ARFGAP3: variants seen among roughly 807,000 people sequenced by gnomAD.
The protein encoded by ARFGAP3 is ARF GTPase activating protein 3.
Under a neutral mutation model 75.0 loss-of-function variants are expected in ARFGAP3, and 72 were observed. The ratio of observed to expected loss-of-function variants is 0.96; its 90% CI spans 0.79 to 1.17. The LOEUF (loss-of-function observed/expected upper bound fraction) is 1.17. ARFGAP3 is among the 50% of genes most tolerant of loss of function. The pLI is 0.00. For synonymous variants in ARFGAP3, 221 were observed against 217.9 expected (o/e 1.01, Z -0.13); for missense variants, 620 against 626.6 (o/e 0.99, Z 0.11).
intron 13 of ARFGAP3, 46 bp from the exon 14 acceptor site, chr22:42,807,209 G>C: frequency 6.4e-7 from 1 of 1,558,454 alleles, no homozygotes; most frequent in Non-Finnish European, 8.7e-7. Context: ...AAAGATTGTG[G>C]GCAGTTTTGC....
At chr22:42,852,060 T>C (rs1927298214) in intron 1 of ARFGAP3, among the ~76,000 whole-genome samples, 1 of 151,758 alleles carries the variant, frequency 6.6e-6, no homozygotes. Context: ...TGCTGTCTCA[T>C]CTTGAAATTC....
chr22:42,802,603 A>AT lies in ARFGAP3; in HGVS notation c.1412-3444dup, dbSNP rs544982207. 5.6e-3 allele frequency among the ~76,000 whole-genome samples: 742 copies of AT among 133,146 alleles called. 3 individuals carry two copies. The highest frequency in any genetic ancestry group is 0.015 in the African/African-American group (536 of 35,980). The allele number at this position is 133,146 out of a possible 152,430, so 87.3% of individuals were successfully genotyped here. On this transcript the variant is annotated intron_variant, in intron 14 of 15. Transcript: ENST00000263245. Reference sequence around the variant, plus strand: ...CCACCGCGCCTGGCCCAAAATAAGAATTTTTTTTTTTTTTTTGAGATGGAG... The same window carrying AT: ...CCACCGCGCCTGGCCCAAAATAAGAATTTTTTTTTTTTTTTTTGAGATGGAG...
chr22:42,817,954 C>T, intron 9 of ARFGAP3, 97 bp from the exon 10 acceptor site: 1 of 1,315,158 alleles, frequency 7.6e-7, no homozygotes, highest in Non-Finnish European at 9.9e-7. Flanking sequence ...ATACTTTTAG[C>T]TTCATGATTC....
chr22:42,852,287 G>A (rs545240234), intron 1 of ARFGAP3, among the ~76,000 whole-genome samples: 1 of 151,938 alleles, frequency 6.6e-6, no homozygotes, highest in African/African-American at 2.4e-5. Context: ...TCAAACTCCT[G>A]AGCTCAAGCT....
At chr22:42,824,170 A>ATTTTTT (rs57620930) in intron 7 of ARFGAP3, among the ~76,000 whole-genome samples, 1 of 59,844 alleles carries the variant, frequency 1.7e-5, no homozygotes, top group Non-Finnish European at 3.0e-5. Flanking sequence ...ACATCTGGCT[A>ATTTTTT]TTTTTTTTTT....
chr22:42,853,657 GATGGCTATGCACCTGCTCCA>G (rs1189569648), intron 1 of ARFGAP3: 2 of 177,576 alleles, frequency 1.1e-5, no homozygotes, highest in African/African-American at 4.8e-5. Context: ...TGTGCCTTGG[GATGGCTATGCACCTGCTCCA>G]ATGCCAACTG....
chr22:42,830,111 C>G (rs1011434476), intron 6 of ARFGAP3, among the ~76,000 whole-genome samples: 2 of 152,154 alleles, frequency 1.3e-5, no homozygotes, highest in Non-Finnish European at 2.9e-5. Flanking sequence ...GAAGCGACTC[C>G]TTTTCTTTTT....
At position 42,817,281 on chromosome 22, in the gene ARFGAP3, AAT is replaced by A. The variant is rs1426610955; in HGVS notation, c.942-19_942-18del. 8 of 1,588,756 alleles carry A rather than the reference AAT, an allele frequency of 5.0e-6. No homozygotes were observed. The highest frequency in any genetic ancestry group is 6.9e-6 in the Non-Finnish European group (8 of 1,166,414). ...GAAATAACACTTGAGAAAACAGAAA[AAT>A]ATATATATCAGTAAGTTCACAAACT... On this transcript the variant is annotated intron_variant, in intron 10 of 15. Coordinates refer to ENST00000263245, the MANE Select transcript of ARFGAP3 (RefSeq NM_014570.5).
chr22:42,805,661 G>A (rs1031129225), intron 14 of ARFGAP3, among the ~76,000 whole-genome samples: 1 of 152,212 alleles, frequency 6.6e-6, no homozygotes, highest in African/African-American at 2.4e-5. Context: ...GACTGCCCAA[G>A]GGAAACGAGG....
chr22:42,803,360 A>G (rs762282579), intron 14 of ARFGAP3, among the ~76,000 whole-genome samples: 1 of 152,148 alleles, frequency 6.6e-6, no homozygotes, highest in Non-Finnish European at 1.5e-5. Context: ...GCAAAGAGAA[A>G]AGGAGACAGT....
intron 1 of ARFGAP3, among the ~76,000 whole-genome samples, chr22:42,850,576 A>C (rs929200696): frequency 8.2e-5 from 12 of 145,502 alleles, no homozygotes; most frequent in African/African-American, 2.7e-4. Context: ...GCTATCAAAA[A>C]AAAAAAAAAA....
At chr22:42,831,286 CA>C (rs560803857) in intron 6 of ARFGAP3, among the ~76,000 whole-genome samples, 817 of 72,644 alleles carry the variant, frequency 0.011, 3 homozygotes, top group African/African-American at 0.023. Flanking sequence ...GACTTAGTCT[CA>C]AAAAAAAAAA....
At chr22:42,844,599 A>T (rs999292115) in intron 2 of ARFGAP3, among the ~76,000 whole-genome samples, 13 of 110,178 alleles carry the variant, frequency 1.2e-4, no homozygotes, top group Non-Finnish European at 1.2e-4. Flanking sequence ...GAAAAAAAAA[A>T]AAAAAAAATA....
intron 10 of ARFGAP3, chr22:42,817,501 CT>C: frequency 4.4e-6 from 1 of 226,710 alleles, no homozygotes; most frequent in Non-Finnish European, 7.3e-6. Flanking sequence ...GGTTTCCTCT[CT>C]GGTAGGTGCT....
intron 5 of ARFGAP3, among the ~76,000 whole-genome samples, chr22:42,833,316 A>G (rs1029008232): frequency 6.6e-6 from 1 of 152,224 alleles, no homozygotes; most frequent in Non-Finnish European, 1.5e-5. Context: ...AGTCAGTTTC[A>G]GAGCTCTGAA....
rs1046779537 is a variant in ARFGAP3 at position 42,817,239 on chromosome 22, C to A, written c.967G>T (p.Asp323Tyr). 1 of 1,611,022 alleles carries A rather than the reference C, an allele frequency of 6.2e-7. No homozygotes were observed. Among genetic ancestry groups the A allele is most frequent in the Non-Finnish European group, 8.5e-7 (1 of 1,178,420 alleles). ...GATTCCTGCTCTATGGTCTGCATAT[C>A]TGAAGTCACTGAATGTGAAATAACA... ...RSVISHSVTS[D>Y]MQTIEQESPI... is the part of the protein sequence containing the mutation. The change falls in exon 11 of 16, where the codon GAT (aspartate) becomes TAT (tyrosine). Residue 323 changes from aspartate to tyrosine, a missense_variant. Physicochemically the swap from Asp to Tyr is radical, Grantham distance 160. Coordinates refer to ENST00000263245, the MANE Select transcript of ARFGAP3 (RefSeq NM_014570.5).
At chr22:42,809,502 G>A (rs1411486814) in intron 12 of ARFGAP3, among the ~76,000 whole-genome samples, 1 of 151,898 alleles carries the variant, frequency 6.6e-6, no homozygotes, top group Non-Finnish European at 1.5e-5. Flanking sequence ...TCTGGGAAAG[G>A]CAAAATTGTA....
At chr22:42,801,722 C>T (rs1924869698) in intron 14 of ARFGAP3, among the ~76,000 whole-genome samples, 1 of 152,186 alleles carries the variant, frequency 6.6e-6, no homozygotes, top group Non-Finnish European at 1.5e-5. Flanking sequence ...CATTCATCCT[C>T]AAACACCTGC....
intron 14 of ARFGAP3, among the ~76,000 whole-genome samples, chr22:42,803,621 T>C (rs970763122): frequency 3.9e-5 from 6 of 152,198 alleles, no homozygotes; most frequent in African/African-American, 1.4e-4. Flanking sequence ...GCCCAGCTGA[T>C]GGCAGTCCCC....
Sources: gnomAD v4.1 joint callset for allele counts (sites outside exome capture counted in the v4.1 genomes callset) on GRCh38, gnomAD v4.1.1 for gene constraint, MANE v1.5 for transcripts, NCBI Gene and HGNC (gene_info 2026-07-23, HGNC 2026-07-21) for gene names.